MRTFB: variants seen among roughly 807,000 people sequenced by gnomAD.
MRTFB encodes the protein myocardin related transcription factor B.
In MRTFB, 29 loss-of-function variants were observed where a neutral mutation model predicts 104.2. The observed-to-expected ratio is 0.28, with a 90% CI of 0.21 to 0.38. MRTFB has a LOEUF of 0.38. Ranked by LOEUF, MRTFB falls within the 10% of genes least tolerant of loss-of-function variation. The probability of loss-of-function intolerance (pLI) is 1.00; values close to 1 mark genes in which losing one functional copy is unlikely to be tolerated. For missense variants in MRTFB, 1,270 were observed against 1,341.6 expected, an observed-to-expected ratio of 0.95 and a Z score of 0.83; for synonymous variants, 535 against 519.5, an observed-to-expected ratio of 1.03 and a Z score of -0.41.
chr16:14,038,689 A>G, the MRTFB span, among the ~76,000 whole-genome samples: 1 of 152,194 alleles, frequency 6.6e-6, no homozygotes, highest in Non-Finnish European at 1.5e-5. Flanking sequence ...ACCAATACAC[A>G]GTTATTATAC....
chr16:14,056,049 G>A, the MRTFB span, among the ~76,000 whole-genome samples: 1 of 152,010 alleles, frequency 6.6e-6, no homozygotes, highest in East Asian at 1.9e-4. Flanking sequence ...CACAATCTCG[G>A]CTCACTGCAA....
chr16:14,245,632 C>G lies in MRTFB; in HGVS notation c.1184C>G (p.Pro395Arg). The part of the protein sequence containing the change: ...NTSTPVRKPG[P>R]LPSSLDDLKV... Reference sequence around the variant, plus strand: ...TCTACTCCTGTGAGAAAGCCAGGACCTCTGCCTTCTAGCCTGGATGACTTA... The same window carrying G: ...TCTACTCCTGTGAGAAAGCCAGGACGTCTGCCTTCTAGCCTGGATGACTTA... The change falls in exon 11 of 17, where the codon CCT becomes CGT. Residue 395 changes from proline (P) to arginine (R), a missense_variant. Physicochemically the swap from Pro to Arg is moderately radical, Grantham distance 103 (BLOSUM62 -2). Coordinates refer to ENST00000571589, the MANE Select transcript of MRTFB (RefSeq NM_001308142.2). 1 of 1,613,992 alleles carries G rather than the reference C, an allele frequency of 6.2e-7. No individual in the cohort carries two copies. The highest frequency in any genetic ancestry group is 1.1e-5 in the South Asian group (1 of 91,004).
the MRTFB span, among the ~76,000 whole-genome samples, chr16:14,017,709 ATATTTT>A: frequency 3.8e-4 from 6 of 15,916 alleles, 1 homozygote; most frequent in East Asian, 3.3e-3. Flanking sequence ...ATATATATAT[ATATTTT>A]TTTTTTTTTT....
chr16:14,213,284 C>T (rs369564757), intron 5 of MRTFB, among the ~76,000 whole-genome samples: 7 of 152,116 alleles, frequency 4.6e-5, no homozygotes, highest in East Asian at 3.8e-4. Flanking sequence ...CTTCAAAACA[C>T]GACCTTTCGA....
intron 3 of MRTFB, among the ~76,000 whole-genome samples, chr16:14,197,533 A>G (rs2040493844): frequency 6.6e-6 from 1 of 152,186 alleles, no homozygotes; most frequent in African/African-American, 2.4e-5. Context: ...CCCATAGAAA[A>G]TTATTTTGTT....
At chr16:14,050,832 C>T in the MRTFB span, among the ~76,000 whole-genome samples, 2 of 152,046 alleles carry the variant, frequency 1.3e-5, no homozygotes, top group African/African-American at 4.8e-5. Flanking sequence ...TTGGAGGTCT[C>T]GATAATACTG....
chr16:14,069,459 A>G (rs1388293876), upstream of MRTFB, among the ~76,000 whole-genome samples: 1 of 152,188 alleles, frequency 6.6e-6, no homozygotes, highest in Non-Finnish European at 1.5e-5. Flanking sequence ...CTCAGCTGCC[A>G]TCATACATCC....
At chr16:14,078,446 G>A (rs940455451) in intron 1 of MRTFB, among the ~76,000 whole-genome samples, 7 of 151,740 alleles carry the variant, frequency 4.6e-5, no homozygotes, top group Admixed American at 2.6e-4. Context: ...TTTTAGAGAC[G>A]GGGTCTCTCT....
At chr16:14,090,879 GGT>G (rs55685117) in intron 2 of MRTFB, among the ~76,000 whole-genome samples, 79,904 of 141,532 alleles carry the variant, frequency 0.56, 23,865 homozygotes, top group Non-Finnish European at 0.67. Flanking sequence ...AGTTCAGCAT[GGT>G]GTGTGTGTGT....
intron 2 of MRTFB, among the ~76,000 whole-genome samples, chr16:14,121,849 A>G (rs1376751376): frequency 6.6e-6 from 1 of 152,212 alleles, no homozygotes; most frequent in East Asian, 1.9e-4. Flanking sequence ...TCAAGCCCTT[A>G]AAATGTGACA....
At chr16:14,255,985 T>C (rs1435679064) in intron 15 of MRTFB, among the ~76,000 whole-genome samples, 3 of 151,646 alleles carry the variant, frequency 2.0e-5, no homozygotes, top group Non-Finnish European at 2.9e-5. Flanking sequence ...TGGTGGTGCA[T>C]ACCTGTAGTC....
chr16:14,246,976 C>G lies in MRTFB; in HGVS notation c.1716C>G (p.Arg572=). The G allele has an allele frequency of 6.2e-7, 1 of 1,614,126 alleles. No homozygotes were observed. The highest frequency in any genetic ancestry group is 8.5e-7 in the Non-Finnish European group (1 of 1,180,046). Residue 572 remains arginine, a synonymous_variant, in exon 12 of 17, where the codon CGC becomes CGG. Transcript: ENST00000571589. ...NLELDAAEKD[R]KLQEKEKQIE... is the part of the protein sequence containing the mutation. ...AACTGGATGCAGCCGAAAAGGATCG[C>G]AAGCTTCAGGAGAAAGAGAAGCAAA...
intron 8 of MRTFB, among the ~76,000 whole-genome samples, chr16:14,230,170 A>G (rs2042192529): frequency 6.6e-6 from 1 of 152,220 alleles, no homozygotes; most frequent in South Asian, 2.1e-4. Context: ...ACCTAAAACC[A>G]TAAAAACCCT....
intron 3 of MRTFB, among the ~76,000 whole-genome samples, chr16:14,157,705 A>G (rs372114181): frequency 2.6e-5 from 4 of 152,350 alleles, no homozygotes; most frequent in South Asian, 2.1e-4. Flanking sequence ...ACAAGGAACT[A>G]TTGAGTTTGG....
At chr16:14,002,429 T>G in the MRTFB span, among the ~76,000 whole-genome samples, 1 of 149,740 alleles carries the variant, frequency 6.7e-6, no homozygotes, top group Non-Finnish European at 1.5e-5. Context: ...GAGGTGTTAA[T>G]GACCTAGGCT....
chr16:14,243,538 T>TA (rs1447100654), intron 10 of MRTFB, among the ~76,000 whole-genome samples: 1 of 152,174 alleles, frequency 6.6e-6, no homozygotes, highest in Admixed American at 6.5e-5. Flanking sequence ...ACACCACTGT[T>TA]ACCAAGAGTA....
At chr16:14,128,044 T>G (rs1212967342) in intron 2 of MRTFB, among the ~76,000 whole-genome samples, 2 of 150,648 alleles carry the variant, frequency 1.3e-5, no homozygotes, top group African/African-American at 4.9e-5. Context: ...TGACTTGGGT[T>G]TTGCAAAAGA....
intron 2 of MRTFB, among the ~76,000 whole-genome samples, chr16:14,091,926 C>T (rs1307424059): frequency 5.9e-5 from 8 of 134,944 alleles, no homozygotes; most frequent in Non-Finnish European, 9.4e-5. Flanking sequence ...ACCCGGGAGG[C>T]GGAGGTTGCA....
intron 15 of MRTFB, among the ~76,000 whole-genome samples, chr16:14,253,171 G>A (rs374702587): frequency 1.6e-4 from 24 of 152,280 alleles, no homozygotes; most frequent in African/African-American, 5.5e-4. Context: ...TATGGCCCAT[G>A]GTGGGTGCCC....
Sources: allele counts gnomAD v4.1 joint callset (sites outside exome capture counted in the v4.1 genomes callset), GRCh38; gene constraint gnomAD v4.1.1; transcripts MANE v1.5; gene names NCBI Gene and HGNC (gene_info 2026-07-23, HGNC 2026-07-21).